The following SLC27A1 variants were observed in gnomAD, a reference collection of about 807,000 sequenced individuals.
The protein encoded by SLC27A1 is solute carrier family 27 member 1, also known as long-chain fatty acid transport protein 1.
In SLC27A1, 61 loss-of-function variants were observed where a neutral mutation model predicts 62.2. The observed-to-expected ratio is 0.98, with a 90% CI of 0.80 to 1.21. SLC27A1 has a LOEUF of 1.21. SLC27A1 is among the 50% of genes most tolerant of loss of function. The pLI is 0.00. For missense variants in SLC27A1, 903 were observed against 932.1 expected, an observed-to-expected ratio of 0.97 and a Z score of 0.41; for synonymous variants, 435 against 408.6, an observed-to-expected ratio of 1.06 and a Z score of -0.78.
chr19:17,481,685 T>C (rs571671850), intron 1 of SLC27A1, among the ~76,000 whole-genome samples: 10 of 152,206 alleles, frequency 6.6e-5, no homozygotes, highest in African/African-American at 2.4e-4. Context: ...GTATTTTTAG[T>C]AGAGCTGGGG....
rs536874454 is a variant in SLC27A1, at chr19:17,498,689, C to T, written c.1206+1225C>T. ...ACCACTACCACCAAGAGGCGGAGACCGGTAGAGGCCCCGAATGTCTGGCTG... is the reference window on the plus strand; with the variant it reads ...ACCACTACCACCAAGAGGCGGAGACTGGTAGAGGCCCCGAATGTCTGGCTG... On this transcript the variant is annotated intron_variant, in intron 7 of 11. Coordinates refer to ENST00000252595, the MANE Select transcript of SLC27A1 (RefSeq NM_198580.3). The T allele has an allele frequency of 1.2e-3, 277 of 236,172 alleles. 6 individuals are homozygous for T. The highest frequency in any genetic ancestry group is 1.4e-3 in the Middle Eastern group (1 of 722). The allele number at this position is 236,172 out of a possible 1,614,324, so 14.6% of individuals were successfully genotyped here.
At chr19:17,474,694 G>A (rs1370403123) in intron 1 of SLC27A1, among the ~76,000 whole-genome samples, 3 of 149,974 alleles carry the variant, frequency 2.0e-5, no homozygotes, top group East Asian at 2.0e-4. Flanking sequence ...GCAATGGCGC[G>A]ATCTCGGCTC....
At chr19:17,481,553 G>C (rs1004313924) in intron 1 of SLC27A1, among the ~76,000 whole-genome samples, 2 of 152,130 alleles carry the variant, frequency 1.3e-5, no homozygotes, top group Non-Finnish European at 2.9e-5. Flanking sequence ...ACCTAGGCTG[G>C]AGTGCAGTGA....
chr19:17,478,374 G>A (rs2075144208), intron 1 of SLC27A1, among the ~76,000 whole-genome samples: 3 of 150,090 alleles, frequency 2.0e-5, no homozygotes, highest in Non-Finnish European at 2.9e-5. Flanking sequence ...GGCTGAGGCA[G>A]GAAAATCGCT....
chr19:17,488,910 A>T lies in SLC27A1; in HGVS notation c.857A>T (p.Tyr286Phe). 6.2e-7 allele frequency: 1 copy of T among 1,613,970 alleles called. No homozygotes were observed. The highest frequency in any genetic ancestry group is 8.5e-7 in the Non-Finnish European group (1 of 1,179,958). Residue 286 changes from tyrosine (Y) to phenylalanine (F), a missense_variant, in exon 5 of 12, where the codon TAT becomes TTT. Physicochemically the swap from Tyr to Phe is conservative, Grantham distance 22. Transcript: ENST00000252595. Reference sequence around the variant, plus strand: ...CGCATGCAGGCGGCTGACGTGCTCTATGACTGCCTGCCCCTGTACCACTCG... The same window carrying T: ...CGCATGCAGGCGGCTGACGTGCTCTTTGACTGCCTGCCCCTGTACCACTCG... The part of the protein sequence containing the change: ...AYRMQAADVL[Y>F]DCLPLYHSAG...
chr19:17,480,717 C>G (rs1356922738), intron 1 of SLC27A1, among the ~76,000 whole-genome samples: 1 of 151,750 alleles, frequency 6.6e-6, no homozygotes, highest in Non-Finnish European at 1.5e-5. Flanking sequence ...GCAGGTTGCA[C>G]GTGCTGGTTT....
intron 11 of SLC27A1, 149 bp downstream of exon 11, chr19:17,501,568 C>G: frequency 1.9e-6 from 2 of 1,048,806 alleles, no homozygotes; most frequent in South Asian, 1.7e-5. Flanking sequence ...CTTTGGGAGG[C>G]CGAGGCGGGC....
At chr19:17,492,638 A>C (rs2075305696) in intron 6 of SLC27A1, among the ~76,000 whole-genome samples, 1 of 149,750 alleles carries the variant, frequency 6.7e-6, no homozygotes, top group Non-Finnish European at 1.5e-5. Context: ...AAAAAAAAGA[A>C]AAAGAAATAG....
At chr19:17,499,905 A>ACGCC in intron 7 of SLC27A1, 1 of 217,648 alleles carries the variant, frequency 4.6e-6, no homozygotes. Flanking sequence ...AACATGTTGG[A>ACGCC]GAAGCATTTC....
chr19:17,488,068 CCT>C, intron 4 of SLC27A1, among the ~76,000 whole-genome samples: 1 of 152,272 alleles, frequency 6.6e-6, no homozygotes, highest in South Asian at 2.1e-4. Context: ...AGAATAAAAC[CCT>C]CTCTCGGGCT....
intron 11 of SLC27A1, 56 bp from the exon 12 acceptor site, chr19:17,504,399 G>C: frequency 6.2e-7 from 1 of 1,604,920 alleles, no homozygotes; most frequent in Non-Finnish European, 8.5e-7. Flanking sequence ...ATATTGAGTT[G>C]AGGCCTCCCA....
intron 6 of SLC27A1, chr19:17,492,237 T>C (rs1003780689): frequency 6.6e-6 from 1 of 152,194 alleles, no homozygotes; most frequent in African/African-American, 2.4e-5. Context: ...GGCTTCAAAC[T>C]CAACTTTTTT....
At position 17,505,214 on chromosome 19, in the gene SLC27A1, C is replaced by G. The variant is rs2075465973; in HGVS notation, c.*602C>G. ...GGCCTTTCCTTTTTCCTCTCCTCTC[C>G]TGCCGAGAGTGGAACACGCGTGTCC... On this transcript the variant is annotated 3_prime_UTR_variant, in exon 12 of 12. Coordinates refer to ENST00000252595, the MANE Select transcript of SLC27A1 (RefSeq NM_198580.3). 1 of 296,264 alleles carries G rather than the reference C, an allele frequency of 3.4e-6. No homozygotes were observed. The highest frequency in any genetic ancestry group is 6.6e-6 in the Non-Finnish European group (1 of 152,618). 18.4% of individuals were successfully genotyped at this position (296,264 alleles called of 1,614,324 possible). A position where few individuals can be genotyped will look rare whatever the true frequency, so the allele number is the denominator to read the frequency against.
At chr19:17,481,647 G>T (rs549580735) in intron 1 of SLC27A1, among the ~76,000 whole-genome samples, 1 of 151,976 alleles carries the variant, frequency 6.6e-6, no homozygotes, top group African/African-American at 2.4e-5. Context: ...GGGACTACAG[G>T]CTTGCGCCAC....
intron 1 of SLC27A1, among the ~76,000 whole-genome samples, chr19:17,473,712 A>T (rs1395899163): frequency 6.6e-6 from 1 of 152,128 alleles, no homozygotes; most frequent in Non-Finnish European, 1.5e-5. Flanking sequence ...AAATACAAAA[A>T]TTAGCCGGGC....
chr19:17,500,817 G>A lies in SLC27A1; in HGVS notation c.1577G>A (p.Gly526Asp). 1 of 1,611,128 alleles carries A rather than the reference G, an allele frequency of 6.2e-7. No homozygotes were observed. Among genetic ancestry groups the A allele is most frequent in the Non-Finnish European group, 8.5e-7 (1 of 1,179,198 alleles). ...GENVSTTEVE[G>D]VLSRLLGQTD... ...AACGTCTCCACCACCGAGGTGGAGG[G>A]CGTGCTGAGCCGCCTGCTGGGCCAG... Residue 526 changes from glycine to aspartate, a missense_variant, in exon 10 of 12, where the codon GGC (glycine) becomes GAC (aspartate). Gly to Asp is a moderately conservative substitution (Grantham distance 94). Coordinates refer to ENST00000252595, the MANE Select transcript of SLC27A1 (RefSeq NM_198580.3).
intron 1 of SLC27A1, among the ~76,000 whole-genome samples, chr19:17,477,810 C>G (rs1447656269): frequency 6.6e-6 from 1 of 152,156 alleles, no homozygotes; most frequent in Non-Finnish European, 1.5e-5. Flanking sequence ...CCACCTCAGC[C>G]TCCCAAAGTG....
chr19:17,504,688 G>T lies in SLC27A1; in HGVS notation c.*76G>T. On this transcript the variant is annotated 3_prime_UTR_variant, in exon 12 of 12. Coordinates refer to ENST00000252595, the MANE Select transcript of SLC27A1 (RefSeq NM_198580.3). ...TTGAGCCAGACAGCGCTGCCCAGGG[G>T]TGGCCGCCTAGTACACACCCACCTG... The T allele has an allele frequency of 6.3e-7, 1 of 1,585,884 alleles. No individual in the cohort carries two copies. Among genetic ancestry groups the T allele is most frequent in the Non-Finnish European group, 8.6e-7 (1 of 1,164,148 alleles).
rs2075398340 is a variant in SLC27A1 at position 17,500,489 on chromosome 19, C to T, written c.1334-6C>T. 6.2e-7 allele frequency: 1 copy of T among 1,613,522 alleles called. No homozygotes were observed. Among genetic ancestry groups the T allele is most frequent in the Non-Finnish European group, 8.5e-7 (1 of 1,179,766 alleles). ...TAGCGCAGCCTGAACATGGCCTTCT[C>T]CCTAGGGGAGCCTGGCCTCCTTGTG... On this transcript the variant is annotated splice_region_variant and splice_polypyrimidine_tract_variant and intron_variant, in intron 8 of 11. Transcript: ENST00000252595.
Sources: gnomAD v4.1 joint callset for allele counts (sites outside exome capture counted in the v4.1 genomes callset) on GRCh38, gnomAD v4.1.1 for gene constraint, MANE v1.5 for transcripts, NCBI Gene and HGNC (gene_info 2026-07-23, HGNC 2026-07-21) for gene names.